Variants in PIEZO2 observed in about 807,000 individuals in gnomAD.
The protein encoded by PIEZO2 is piezo type mechanosensitive ion channel component 2, also known as piezo-type mechanosensitive ion channel component 2.
Under a neutral mutation model 337.3 loss-of-function variants are expected in PIEZO2, and 172 were observed. The observed-to-expected ratio is 0.51, with a 90% CI of 0.45 to 0.58. The LOEUF is 0.58. Ranked by LOEUF, PIEZO2 falls within the 20% of genes least tolerant of loss-of-function variation. The pLI, the probability that PIEZO2 is intolerant of heterozygous loss-of-function variation, is 0.00. For synonymous variants in PIEZO2, 1,251 were observed against 1,228.5 expected, an observed-to-expected ratio of 1.02 and a Z score of -0.38; for missense variants, 3,028 against 3,391.3, an observed-to-expected ratio of 0.89 and a Z score of 2.66.
rs188146674 is a variant in PIEZO2, at chr18:10,795,095, G to T, written c.1528-93C>A. On this transcript the variant is annotated intron_variant, in intron 12 of 55. Coordinates refer to ENST00000674853, the MANE Select transcript of PIEZO2 (RefSeq NM_001378183.1). The surrounding 1 kb of genome is among the most constrained non-coding windows in gnomAD (Gnocchi z 4.4). ...GGTAAAAACTATCTAAAAAGAAAAG[G>T]TCATAATATTCAAACCAGGGAGAGT... The T allele has an allele frequency of 2.8e-6, 3 of 1,082,072 alleles. No individual in the cohort carries two copies. Among genetic ancestry groups the T allele is most frequent in the South Asian group, 1.5e-5 (1 of 68,204 alleles). The allele number at this position is 1,082,072 out of a possible 1,614,324, so 67.0% of individuals were successfully genotyped here.
At chr18:10,891,066 C>G (rs2042741208) in intron 4 of PIEZO2, among the ~76,000 whole-genome samples, 1 of 152,032 alleles carries the variant, frequency 6.6e-6, no homozygotes, top group East Asian at 1.9e-4. Context: ...GAAGCGGTGG[C>G]TCACGCCTAT....
In PIEZO2 at chr18:10,773,962, C is replaced by G. The variant is rs1297009590; in HGVS notation, c.2567+44G>C. On this transcript the variant is annotated intron_variant, in intron 19 of 55. Transcript: ENST00000674853. This position sits in a 1 kb window ranked among gnomAD's most constrained non-coding sequence, Gnocchi z 5.3. ...TTTAGGGTGTAGAAGCATGAAATGG[C>G]ATCATGTAGAGCAAGCATTTCATGG... 1 of 702,246 alleles carries G rather than the reference C, an allele frequency of 1.4e-6. No individual in the cohort carries two copies. Among genetic ancestry groups the G allele is most frequent in the East Asian group, 2.7e-5 (1 of 37,270 alleles). The allele number at this position is 702,246 out of a possible 1,614,324, so 43.5% of individuals were successfully genotyped here. A position where few individuals can be genotyped will look rare whatever the true frequency, so the allele number is the denominator to read the frequency against.
chr18:10,695,707 C>G (rs935354795), intron 47 of PIEZO2, among the ~76,000 whole-genome samples: 1 of 152,126 alleles, frequency 6.6e-6, no homozygotes, highest in African/African-American at 2.4e-5. Context: ...TGCCTTCTCT[C>G]CCTCTCAAAA....
chr18:10,787,994 C>T (rs1451296165), intron 15 of PIEZO2, among the ~76,000 whole-genome samples: 2 of 152,258 alleles, frequency 1.3e-5, no homozygotes, highest in South Asian at 2.1e-4. Context: ...AGAGCAGGCA[C>T]ATGCCACACA....
intron 3 of PIEZO2, among the ~76,000 whole-genome samples, chr18:10,959,043 T>C (rs915434122): frequency 1.3e-5 from 2 of 152,156 alleles, no homozygotes; most frequent in Admixed American, 1.3e-4. Context: ...ATAACTGTAG[T>C]GTAGAGGGAA....
At chr18:11,079,111 G>A (rs2038647701) in intron 1 of PIEZO2, among the ~76,000 whole-genome samples, 2 of 152,082 alleles carry the variant, frequency 1.3e-5, no homozygotes, top group African/African-American at 4.8e-5. Flanking sequence ...GTTTGATTTT[G>A]TGATCACTAG....
rs2035068754 is a variant in PIEZO2, at chr18:10,696,089, G to A, written c.7175C>T (p.Pro2392Leu). 1 of 1,613,828 alleles carries A rather than the reference G, an allele frequency of 6.2e-7. No homozygotes were observed. The highest frequency in any genetic ancestry group is 8.5e-7 in the Non-Finnish European group (1 of 1,179,836). ...AAGACCTTACCTCTCAGTCACACCA[G>A]GTAAGATGAAGAACATCCAGAAGTG... ...GIHFWMFFIL[P>L]GVTERKFSQN... Residue 2392 changes from proline to leucine, a missense_variant, in exon 47 of 56, where the codon CCT becomes CTT. Coordinates refer to ENST00000674853, the MANE Select transcript of PIEZO2 (RefSeq NM_001378183.1).
chr18:10,904,110 C>T (rs1250481349), intron 4 of PIEZO2, among the ~76,000 whole-genome samples: 1 of 152,030 alleles, frequency 6.6e-6, no homozygotes, highest in Non-Finnish European at 1.5e-5. Flanking sequence ...TACATGATAC[C>T]GTTTAGTTAT....
intron 3 of PIEZO2, among the ~76,000 whole-genome samples, chr18:10,937,451 C>T (rs1258613682): frequency 6.6e-6 from 1 of 152,110 alleles, no homozygotes; most frequent in Non-Finnish European, 1.5e-5. Flanking sequence ...CCATGTTCAT[C>T]CTGTGGCTGG....
At chr18:10,857,417 CAT>C (rs1349815009) in intron 5 of PIEZO2, among the ~76,000 whole-genome samples, 1 of 151,948 alleles carries the variant, frequency 6.6e-6, no homozygotes, top group Admixed American at 6.6e-5. Flanking sequence ...AAGAAGTAAA[CAT>C]AACAATTATA....
intron 49 of PIEZO2, 133 bp downstream of exon 49, chr18:10,689,522 C>T: frequency 8.4e-7 from 1 of 1,188,242 alleles, no homozygotes. Context: ...GGTTGGAAAT[C>T]ACTGGGACAT....
At position 10,940,705 on chromosome 18, in the gene PIEZO2, G is replaced by T. The variant is rs149385889; in HGVS notation, c.287-29477C>A. Among the ~76,000 whole-genome samples, 373 of 152,158 alleles carry T rather than the reference G, an allele frequency of 2.5e-3. 5 individuals carry two copies. The highest frequency in any genetic ancestry group is 8.9e-3 in the African/African-American group (368 of 41,534). On this transcript the variant is annotated intron_variant, in intron 3 of 55. Coordinates refer to ENST00000674853, the MANE Select transcript of PIEZO2 (RefSeq NM_001378183.1). This position sits in a 1 kb window ranked among gnomAD's most constrained non-coding sequence, Gnocchi z 5.3. ...GGTGAAACCCTATCTCTACTAAAAA[G>T]ACAAAAATTAGCTGGGCATGGTGGC... is the stretch of plus-strand genomic sequence containing the variant.
intron 49 of PIEZO2, among the ~76,000 whole-genome samples, chr18:10,684,098 T>C (rs12456249): frequency 1.0e-4 from 3 of 28,980 alleles, no homozygotes; most frequent in African/African-American, 1.7e-4. Context: ...CCTTCCTTCT[T>C]TCTCTCTCTC....
rs762168639 is a variant in PIEZO2, at chr18:10,847,648, T to G, written c.917+7705A>C. Among the ~76,000 whole-genome samples the G allele has an allele frequency of 6.6e-6, 1 of 152,198 alleles. No individual in the cohort carries two copies. The highest frequency in any genetic ancestry group is 1.5e-5 in the Non-Finnish European group (1 of 68,044). On this transcript the variant is annotated intron_variant, in intron 7 of 55. Coordinates refer to ENST00000674853, the MANE Select transcript of PIEZO2 (RefSeq NM_001378183.1). This position sits in a 1 kb window ranked among gnomAD's most constrained non-coding sequence, Gnocchi z 5.7. ...CCAGATGAACTCAGAGTTCAAGTAT[T>G]TAAGTTCTGTTGATTTTCCACTTAT...
chr18:10,962,616 T>G lies in PIEZO2; in HGVS notation c.286+16919A>C, dbSNP rs1598750514. ...TTTGCCTCATTCAGCTGTGCTACAT[T>G]GCCCCTCTTTCTTTGACTTTTCCTC... On this transcript the variant is annotated intron_variant, in intron 3 of 55. Transcript: ENST00000674853. This position sits in a 1 kb window ranked among gnomAD's most constrained non-coding sequence, Gnocchi z 4.1. 6.6e-6 allele frequency among the ~76,000 whole-genome samples: 1 copy of G among 152,226 alleles called. No homozygotes were observed. Among genetic ancestry groups the G allele is most frequent in the East Asian group, 1.9e-4 (1 of 5,180 alleles).
At position 10,726,908 on chromosome 18, in the gene PIEZO2, T is replaced by A. The variant is rs2036567645; in HGVS notation, c.5029+4499A>T. Reference sequence around the variant, plus strand: ...ATCATGGCCACCAACCGGCTGGATGTGGCGGAGCTGGGTCGCCTGCTGCCC... The same window carrying A: ...ATCATGGCCACCAACCGGCTGGATGAGGCGGAGCTGGGTCGCCTGCTGCCC... On this transcript the variant is annotated intron_variant, in intron 36 of 55. Transcript: ENST00000674853. This position sits in a 1 kb window ranked among gnomAD's most constrained non-coding sequence, Gnocchi z 5.9. 1.3e-6 allele frequency: 2 copies of A among 1,579,942 alleles called. No homozygotes were observed. Among genetic ancestry groups the A allele is most frequent in the East Asian group, 4.5e-5 (2 of 44,494 alleles).
At chr18:10,739,977 A>G (rs2037154650) in intron 33 of PIEZO2, 2 of 152,212 alleles carry the variant, frequency 1.3e-5, no homozygotes, top group Non-Finnish European at 2.9e-5. Flanking sequence ...TTGATTTCCT[A>G]GTGATTCTAA....
At chr18:10,955,430 A>C (rs2033475280) in intron 3 of PIEZO2, among the ~76,000 whole-genome samples, 1 of 152,180 alleles carries the variant, frequency 6.6e-6, no homozygotes, top group South Asian at 2.1e-4. Flanking sequence ...CTGAGGTGAG[A>C]GGTGTCATCA....
At chr18:10,711,716 G>A (rs774542781) in intron 39 of PIEZO2, among the ~76,000 whole-genome samples, 58 of 152,128 alleles carry the variant, frequency 3.8e-4, no homozygotes, top group African/African-American at 1.2e-3. Flanking sequence ...ATATTTTCTC[G>A]AAGAAAGATG....
Sources: gnomAD v4.1 joint callset for allele counts (sites outside exome capture counted in the v4.1 genomes callset) on GRCh38, gnomAD v4.1.1 for gene constraint, Gnocchi (gnomAD v3.1) non-coding constraint, MANE v1.5 for transcripts, NCBI Gene and HGNC (gene_info 2026-07-23, HGNC 2026-07-21) for gene names.